Variants in SEMA6D observed in about 807,000 individuals in gnomAD.
SEMA6D encodes the protein semaphorin 6D.
Under a neutral mutation model 106.6 loss-of-function variants are expected in SEMA6D, and 35 were observed. The observed-to-expected ratio is 0.33, with a 90% CI of 0.25 to 0.44. SEMA6D has a LOEUF of 0.44. Ranked by LOEUF, SEMA6D falls within the 20% of genes least tolerant of loss-of-function variation. The probability of loss-of-function intolerance (pLI) is 1.00; values close to 1 mark genes in which losing one functional copy is unlikely to be tolerated. For synonymous variants in SEMA6D, 499 were observed against 487.7 expected, an observed-to-expected ratio of 1.02 and a Z score of -0.31; for missense variants, 1,185 against 1,345.9, an observed-to-expected ratio of 0.88 and a Z score of 1.87.
At chr15:47,517,987 A>G (rs2044442952) in intron 3 of SEMA6D, among the ~76,000 whole-genome samples, 1 of 152,136 alleles carries the variant, frequency 6.6e-6, no homozygotes, top group Non-Finnish European at 1.5e-5. Flanking sequence ...TTATTTCAAA[A>G]GGCAGATTGA....
intron 3 of SEMA6D, among the ~76,000 whole-genome samples, chr15:47,531,537 G>A (rs989652): frequency 0.51 from 76,971 of 152,128 alleles, 20,987 homozygotes; most frequent in African/African-American, 0.73. Flanking sequence ...TAAAGGCACT[G>A]TATATATGTG....
intron 1 of SEMA6D, among the ~76,000 whole-genome samples, chr15:47,230,927 A>T (rs1356914209): frequency 2.6e-5 from 4 of 152,052 alleles, no homozygotes; most frequent in African/African-American, 9.7e-5. Context: ...CTTGATACAA[A>T]TAAATCTTAG....
At chr15:47,408,939 A>G (rs1001549684) in intron 1 of SEMA6D, among the ~76,000 whole-genome samples, 2 of 152,216 alleles carry the variant, frequency 1.3e-5, no homozygotes, top group African/African-American at 2.4e-5. Context: ...ACTCATCTGC[A>G]TGAGTGCAAG....
intron 4 of SEMA6D, among the ~76,000 whole-genome samples, chr15:47,689,473 A>G (rs1055695110): frequency 9.2e-5 from 14 of 152,230 alleles, no homozygotes; most frequent in African/African-American, 3.1e-4. Flanking sequence ...TATATCTTAG[A>G]ATAGGAATCC....
At chr15:47,570,403 T>G (rs1596337546) in intron 3 of SEMA6D, among the ~76,000 whole-genome samples, 2 of 152,228 alleles carry the variant, frequency 1.3e-5, no homozygotes, top group East Asian at 3.9e-4. Flanking sequence ...TATGGGGTTT[T>G]TGTGTGTGTT....
At chr15:47,386,125 TGA>T (rs1224414671) in intron 1 of SEMA6D, among the ~76,000 whole-genome samples, 6 of 152,188 alleles carry the variant, frequency 3.9e-5, no homozygotes, top group African/African-American at 1.4e-4. Context: ...CAATAAGTTT[TGA>T]TGCCATTAGG....
chr15:47,728,219 C>T (rs952162499), intron 1 of SEMA6D, among the ~76,000 whole-genome samples: 1 of 152,160 alleles, frequency 6.6e-6, no homozygotes, highest in Non-Finnish European at 1.5e-5. Context: ...ACTCAGTTTC[C>T]TCACCTGTGG....
intron 18 of SEMA6D, 80 bp from the exon 19 acceptor site, chr15:47,770,417 T>C (rs2082567995): frequency 8.2e-7 from 1 of 1,214,102 alleles, no homozygotes; most frequent in Non-Finnish European, 1.2e-6. Context: ...AAGGTCGTGT[T>C]GGCTCACTGA....
chr15:47,404,779 A>C (rs115121403), intron 1 of SEMA6D, among the ~76,000 whole-genome samples: 2,171 of 152,286 alleles, frequency 0.014, 35 homozygotes, highest in South Asian at 0.055. Flanking sequence ...ATTTTCTTTC[A>C]ATCAACATGT....
chr15:47,369,372 A>C lies in SEMA6D; in HGVS notation c.-238-43021A>C, dbSNP rs1595847386. Among the ~76,000 whole-genome samples, 3 of 152,228 alleles carry C rather than the reference A, an allele frequency of 2.0e-5. No individual in the cohort carries two copies. In the South Asian group the frequency reaches 6.2e-4, roughly 31 times the overall value. On this transcript the variant is annotated intron_variant, in intron 1 of 19. Coordinates refer to the SEMA6D transcript ENST00000558014. The stretch of plus-strand genomic sequence containing the variant: ...ACTTTCACAATCTACTGAAATTTTC[A>C]AGGGGAAAAAGACAATAGTTTATAT...
chr15:47,563,153 A>G (rs1009942991), intron 3 of SEMA6D, among the ~76,000 whole-genome samples: 1 of 152,232 alleles, frequency 6.6e-6, no homozygotes, highest in African/African-American at 2.4e-5. Context: ...TATAGTCAAT[A>G]GATTAGTGAT....
intron 3 of SEMA6D, among the ~76,000 whole-genome samples, chr15:47,543,575 A>G (rs1490282091): frequency 6.6e-6 from 1 of 152,154 alleles, no homozygotes; most frequent in African/African-American, 2.4e-5. Context: ...GCAGCATGAC[A>G]ACAAACTAAT....
At chr15:47,607,636 C>T (rs2076809472) in intron 4 of SEMA6D, among the ~76,000 whole-genome samples, 1 of 152,192 alleles carries the variant, frequency 6.6e-6, no homozygotes, top group Non-Finnish European at 1.5e-5. Flanking sequence ...TTTAACAGTG[C>T]AGGCCTAATT....
At chr15:47,453,063 A>G (rs1596034070) in intron 2 of SEMA6D, among the ~76,000 whole-genome samples, 1 of 152,090 alleles carries the variant, frequency 6.6e-6, no homozygotes, top group African/African-American at 2.4e-5. Flanking sequence ...AATCTCCAGA[A>G]TCACTATCAC....
At chr15:47,365,914 AG>A (rs2039007569) in intron 1 of SEMA6D, among the ~76,000 whole-genome samples, 1 of 146,970 alleles carries the variant, frequency 6.8e-6, no homozygotes, top group African/African-American at 2.5e-5. Context: ...AGAGAGAGAG[AG>A]AGAGAGAGAA....
intron 1 of SEMA6D, among the ~76,000 whole-genome samples, chr15:47,740,229 T>C (rs1309136915): frequency 6.6e-6 from 1 of 151,944 alleles, no homozygotes; most frequent in Non-Finnish European, 1.5e-5. Flanking sequence ...AAATAGAAAG[T>C]AAAAAACATG....
At chr15:47,702,510 C>T (rs1214823391) in intron 4 of SEMA6D, among the ~76,000 whole-genome samples, 3 of 152,198 alleles carry the variant, frequency 2.0e-5, no homozygotes, top group Admixed American at 1.3e-4. Context: ...AACAATCGCA[C>T]ATTTTAGTAT....
chr15:47,393,234 C>T (rs941625768), intron 1 of SEMA6D: 3 of 152,190 alleles, frequency 2.0e-5, no homozygotes, highest in African/African-American at 7.2e-5. Context: ...TTGAAATATT[C>T]TGCAATGTCT....
Position 47,771,505 on chromosome 15 carries a change from T to C in SEMA6D, c.2942T>C (p.Leu981Ser), listed in dbSNP as rs1326082108. The change falls in exon 19 of 19, where the codon TTA (leucine) becomes TCA (serine). Residue 981 changes from leucine (L) to serine (S), a missense_variant. Coordinates refer to ENST00000536845, the MANE Select transcript of SEMA6D (RefSeq NM_001358351.3). ...RHSISAMPKNLNSPNGVLLSR... is the reference protein window; with the variant it reads ...RHSISAMPKNSNSPNGVLLSR... ...TCTATATCTGCTATGCCTAAAAACT[T>C]AAACTCACCAAATGGTGTTTTGTTA... 1 of 1,614,088 alleles carries C rather than the reference T, an allele frequency of 6.2e-7. No homozygotes were observed. The highest frequency in any genetic ancestry group is 2.2e-5 in the East Asian group (1 of 44,870).
Sources: allele counts gnomAD v4.1 joint callset (sites outside exome capture counted in the v4.1 genomes callset), GRCh38; gene constraint gnomAD v4.1.1; transcripts MANE v1.5; gene names NCBI Gene and HGNC (gene_info 2026-07-23, HGNC 2026-07-21).